The following GKN2 variants were observed in gnomAD, a reference collection of about 807,000 sequenced individuals.
The protein encoded by GKN2 is gastrokine 2.
In GKN2, 17 loss-of-function variants were observed where a neutral mutation model predicts 22.7. The ratio of observed to expected loss-of-function variants is 0.75; its 90% confidence interval spans 0.51 to 1.13. The LOEUF is 1.13. GKN2 is among the 50% of genes most tolerant of loss of function. GKN2 has a pLI of 0.00. For synonymous variants in GKN2, 82 were observed against 79.6 expected, an observed-to-expected ratio of 1.03 and a Z score of -0.16; for missense variants, 248 against 221.4, an observed-to-expected ratio of 1.12 and a Z score of -0.76.
chr2:68,950,271 G>A lies in GKN2; in HGVS notation c.67-8C>T. 1 of 1,597,784 alleles carries A rather than the reference G, an allele frequency of 6.3e-7. No homozygotes were observed. On this transcript the variant is annotated splice_region_variant and splice_polypyrimidine_tract_variant and intron_variant, in intron 2 of 5. Transcript: ENST00000328895. ...GCTGATGATGTTAAAAACCTAGATT[G>A]AAAAGAAAGACAAAATGTTTTTCCA...
At chr2:68,951,753 G>A (rs576541168) in intron 1 of GKN2, among the ~76,000 whole-genome samples, 12 of 152,106 alleles carry the variant, frequency 7.9e-5, no homozygotes, top group East Asian at 1.9e-4. Flanking sequence ...TGATACTCCC[G>A]TATATTCTAG....
At chr2:68,949,016 GAA>G (rs1266428737) in intron 3 of GKN2, among the ~76,000 whole-genome samples, 17 of 152,154 alleles carry the variant, frequency 1.1e-4, no homozygotes, top group Non-Finnish European at 2.4e-4. Flanking sequence ...ACACCAATGG[GAA>G]AGAGGAACGT....
intron 4 of GKN2, 29 bp from the exon 5 acceptor site, chr2:68,946,489 A>G: frequency 6.5e-7 from 1 of 1,526,752 alleles, no homozygotes; most frequent in Non-Finnish European, 8.8e-7. Flanking sequence ...AAAGAACAAC[A>G]TAAAATAAAT....
chr2:68,946,134 T>C, intron 5 of GKN2, 170 bp downstream of exon 5: 1 of 516,416 alleles, frequency 1.9e-6, no homozygotes, highest in East Asian at 3.1e-5. Context: ...CATTTCTGTA[T>C]TCCTAAAATT....
At chr2:68,952,192 G>A (rs1669866221) in intron 1 of GKN2, among the ~76,000 whole-genome samples, 1 of 152,108 alleles carries the variant, frequency 6.6e-6, no homozygotes. Context: ...TTGTCCTAAG[G>A]GAGAATTTAG....
chr2:68,952,714 C>T, intron 1 of GKN2, 136 bp downstream of exon 1: 1 of 719,350 alleles, frequency 1.4e-6, no homozygotes, highest in Non-Finnish European at 2.1e-6. Context: ...CCAAAGATGT[C>T]ATTAATTCAA....
chr2:68,946,412 G>T lies in GKN2; in HGVS notation c.364C>A (p.Pro122Thr). 6.2e-7 allele frequency: 1 copy of T among 1,613,480 alleles called. No individual in the cohort carries two copies. Among genetic ancestry groups the T allele is most frequent in the East Asian group, 2.2e-5 (1 of 44,874 alleles). ...ACGTCTTTGATCAGAGACTCCAGAG[G>T]GTTGTACTTGACCCAGGTGTATTTG... ...SSKYTWVKYN[P>T]LESLIKDVDW... is the part of the protein sequence containing the mutation. The change falls in exon 5 of 6, where the codon CCT becomes ACT. Residue 122 changes from proline (P) to threonine (T), a missense_variant. Coordinates refer to ENST00000328895, the MANE Select transcript of GKN2 (RefSeq NM_182536.3).
chr2:68,945,392 T>C lies in GKN2; in HGVS notation c.531A>G (p.Ser177=). 2 of 1,611,588 alleles carry C rather than the reference T, an allele frequency of 1.2e-6. No homozygotes were observed. The highest frequency in any genetic ancestry group is 1.7e-6 in the Non-Finnish European group (2 of 1,178,308). ...CCTAAACATGAATGTCTGCACAGAT[T>C]GAAATTCCCAAGATGCCCAGGAGCC... is the stretch of plus-strand genomic sequence containing the variant. ...KAGLLGILGI[S]ICADIHV The change falls in exon 6 of 6, where the codon TCA becomes TCG. Residue 177 remains serine, a synonymous_variant. Transcript: ENST00000328895.
chr2:68,945,401 C>T lies in GKN2; in HGVS notation c.522G>A (p.Leu174=), dbSNP rs1669750088. The T allele has an allele frequency of 1.2e-6, 2 of 1,611,514 alleles. No individual in the cohort carries two copies. Among genetic ancestry groups the T allele is most frequent in the Non-Finnish European group, 1.7e-6 (2 of 1,178,400 alleles). The change falls in exon 6 of 6, where the codon TTG becomes TTA. Residue 174 remains leucine, a synonymous_variant. Transcript: ENST00000328895. ...GAATGTCTGCACAGATTGAAATTCC[C>T]AAGATGCCCAGGAGCCCAGCCTTTG... The part of the protein sequence containing the change: ...GCAKAGLLGI[L]GISICADIHV
chr2:68,945,346 TA>T lies in GKN2; in HGVS notation c.*21del. 1 of 1,528,516 alleles carries T rather than the reference TA, an allele frequency of 6.5e-7. No individual in the cohort carries two copies. Among genetic ancestry groups the T allele is most frequent in the Non-Finnish European group, 8.9e-7 (1 of 1,122,102 alleles). 94.7% of individuals were successfully genotyped at this position (1,528,516 alleles called of 1,614,324 possible). The stretch of plus-strand genomic sequence containing the variant: ...CCAAGGATGTATTTCTTTGAAAAGA[TA>T]AAACAAGAGGGCTAATCATCCTAAA... On this transcript the variant is annotated 3_prime_UTR_variant, in exon 6 of 6. Transcript: ENST00000328895.
At chr2:68,952,714 C>A in intron 1 of GKN2, 136 bp downstream of exon 1, 3 of 719,352 alleles carry the variant, frequency 4.2e-6, no homozygotes, top group Non-Finnish European at 6.4e-6. Flanking sequence ...CCAAAGATGT[C>A]ATTAATTCAA....
chr2:68,949,516 C>A lies in GKN2; in HGVS notation c.204+610G>T, dbSNP rs141839401. ...CTCACTGCAGCCTTGACTTCCTGGG[C>A]TCCAGCAATCCTCCCACCTCAGCCT... On this transcript the variant is annotated intron_variant, in intron 3 of 5. Transcript: ENST00000328895. Among the ~76,000 whole-genome samples the A allele has an allele frequency of 3.3e-3, 496 of 152,098 alleles. 5 individuals carry two copies. The highest frequency in any genetic ancestry group is 0.011 in the African/African-American group (453 of 41,488).
chr2:68,945,441 C>T lies in GKN2; in HGVS notation c.482G>A (p.Gly161Asp). 6.2e-7 allele frequency: 1 copy of T among 1,607,800 alleles called. No homozygotes were observed. The highest frequency in any genetic ancestry group is 8.5e-7 in the Non-Finnish European group (1 of 1,176,308). Reference protein sequence around the residue: ...GEVVENTHNVGAGGCAKAGLL... With the variant: ...GEVVENTHNVDAGGCAKAGLL... ...CCCAGCCTTTGCACAGCCTCCAGCA[C>T]CGACATTATCTGGAAAAGGGAAAAT... The change falls in exon 6 of 6, where the codon GGT becomes GAT. Residue 161 changes from glycine (G) to aspartate (D), a missense_variant. Gly to Asp is a moderately conservative substitution (Grantham distance 94). Transcript: ENST00000328895.
chr2:68,946,485 C>A (rs1669767945), intron 4 of GKN2, 25 bp from the exon 5 acceptor site: 1 of 1,539,292 alleles, frequency 6.5e-7, no homozygotes, highest in Non-Finnish European at 8.7e-7. Context: ...CAGAAAAGAA[C>A]AACATAAAAT....
In GKN2 at chr2:68,949,228, T is replaced by C. The variant is rs1036726002; in HGVS notation, c.204+898A>G. On this transcript the variant is annotated intron_variant, in intron 3 of 5. Coordinates refer to ENST00000328895, the MANE Select transcript of GKN2 (RefSeq NM_182536.3). The stretch of plus-strand genomic sequence containing the variant: ...TTTCTGAGCAGGTTTCTGTGACTTA[T>C]TGTTAATGCCAGTATCTAACACTTG... 4.6e-5 allele frequency among the ~76,000 whole-genome samples: 7 copies of C among 152,284 alleles called. No individual in the cohort carries two copies. In the East Asian group the frequency reaches 1.2e-3, roughly 25 times the overall value.
Position 68,948,246 on chromosome 2 carries a change from AAAAAAAAAAC to A in GKN2, c.205-999_205-990del, listed in dbSNP as rs1255788650. ...GGGTGACAGAGCGAGACTCCGTCAA[AAAAAAAAAAC>A]AAAAAAAAAAAACTGTGCTGTCCAA... On this transcript the variant is annotated intron_variant, in intron 3 of 5. Coordinates refer to ENST00000328895, the MANE Select transcript of GKN2 (RefSeq NM_182536.3). Among the ~76,000 whole-genome samples, 5 of 51,254 alleles carry A rather than the reference AAAAAAAAAAC, an allele frequency of 9.8e-5. No homozygotes were observed. In the East Asian group the frequency reaches 1.6e-3, roughly 16 times the overall value. 33.6% of individuals were successfully genotyped at this position (51,254 alleles called of 152,430 possible).
chr2:68,950,064 T>C (rs777367632), intron 3 of GKN2, 62 bp downstream of exon 3: 2 of 1,424,460 alleles, frequency 1.4e-6, no homozygotes, highest in South Asian at 1.3e-5. Context: ...CATATATATA[T>C]AGATCCCTCT....
intron 3 of GKN2, among the ~76,000 whole-genome samples, chr2:68,948,928 A>G (rs1669815156): frequency 1.3e-5 from 2 of 152,246 alleles, no homozygotes; most frequent in Non-Finnish European, 2.9e-5. Flanking sequence ...AGTTGCTTAA[A>G]AACAATTTCA....
Position 68,950,127 on chromosome 2 carries a change from T to C in GKN2, c.203A>G (p.His68Arg). ...TATGAAAATTCATTTGCTGCTTACA[T>C]GTTTATAGTCAAAAATTGTGGTAGA... is the stretch of plus-strand genomic sequence containing the variant. ...CSSTTIFDYK[H>R]GYIASRVLSR... The change falls in exon 3 of 6, where the codon CAT becomes CGT. Residue 68 changes from histidine (H) to arginine (R), a missense_variant and splice_region_variant. Transcript: ENST00000328895. 4 of 1,612,630 alleles carry C rather than the reference T, an allele frequency of 2.5e-6. No homozygotes were observed. Among genetic ancestry groups the C allele is most frequent in the Non-Finnish European group, 3.4e-6 (4 of 1,179,576 alleles).
Sources: allele counts gnomAD v4.1 joint callset (sites outside exome capture counted in the v4.1 genomes callset), GRCh38; gene constraint gnomAD v4.1.1; transcripts MANE v1.5; gene names NCBI Gene and HGNC (gene_info 2026-07-23, HGNC 2026-07-21).